Variants in SPOCK1 observed in about 807,000 individuals in gnomAD.
SPOCK1 encodes testican-1.
In SPOCK1, 23 loss-of-function variants were observed where a neutral mutation model predicts 55.3. The ratio of observed to expected loss-of-function variants is 0.42; its 90% CI spans 0.30 to 0.59. The LOEUF is 0.59. Among genes scored for constraint, SPOCK1 ranks in the 20% least tolerant of loss-of-function variants. SPOCK1 has a pLI of 0.22. For synonymous variants in SPOCK1, 226 were observed against 221.0 expected, an observed-to-expected ratio of 1.02 and a Z score of -0.20; for missense variants, 499 against 552.5, an observed-to-expected ratio of 0.90 and a Z score of 0.97.
chr5:137,220,584 T>TGA (rs375333769), intron 3 of SPOCK1, among the ~76,000 whole-genome samples: 1 of 152,222 alleles, frequency 6.6e-6, no homozygotes, highest in African/African-American at 2.4e-5. Flanking sequence ...GTCTGACTCC[T>TGA]GAGTCTAGTC....
chr5:137,301,636 C>CT (rs34828127), intron 2 of SPOCK1, among the ~76,000 whole-genome samples: 83,398 of 129,576 alleles, frequency 0.64, 27,861 homozygotes, highest in Admixed American at 0.7. Context: ...ATTTCGTCTC[C>CT]TTTTTTTTTT....
chr5:137,324,565 A>G (rs1758040741), intron 2 of SPOCK1, among the ~76,000 whole-genome samples: 1 of 152,354 alleles, frequency 6.6e-6, no homozygotes, highest in South Asian at 2.1e-4. Flanking sequence ...GGATATCTAA[A>G]GTAGTTAAAC....
chr5:137,325,571 T>C (rs1758060354), intron 2 of SPOCK1, among the ~76,000 whole-genome samples: 2 of 152,224 alleles, frequency 1.3e-5, no homozygotes, highest in South Asian at 4.1e-4. Context: ...TAACTTTTAA[T>C]TATATCACTC....
At chr5:137,486,735 C>A (rs1754064504) in intron 2 of SPOCK1, among the ~76,000 whole-genome samples, 1 of 152,228 alleles carries the variant, frequency 6.6e-6, no homozygotes, top group African/African-American at 2.4e-5. Flanking sequence ...AATTTTTAAA[C>A]CAACAATTCT....
chr5:137,237,416 A>C lies in SPOCK1; in HGVS notation c.232+29594T>G, dbSNP rs538234955. Among the ~76,000 whole-genome samples, 14 of 152,308 alleles carry C rather than the reference A, an allele frequency of 9.2e-5. No homozygotes were observed. The South Asian group carries it at 2.9e-3, about 32-fold the overall frequency. Reference sequence around the variant, plus strand: ...CAGGCCATATATGGAAAATGTACACATCTATGAACTGCTTTCACTCCTAAA... The same window carrying C: ...CAGGCCATATATGGAAAATGTACACCTCTATGAACTGCTTTCACTCCTAAA... On this transcript the variant is annotated intron_variant, in intron 3 of 10. Coordinates refer to ENST00000394945, the MANE Select transcript of SPOCK1 (RefSeq NM_004598.4).
At chr5:137,117,971 G>T (rs1469059172) in intron 4 of SPOCK1, among the ~76,000 whole-genome samples, 1 of 152,094 alleles carries the variant, frequency 6.6e-6, no homozygotes, top group African/African-American at 2.4e-5. Context: ...TATTTTATGT[G>T]TTTTTTTAAA....
At chr5:137,472,699 G>A (rs1753759969) in intron 2 of SPOCK1, among the ~76,000 whole-genome samples, 1 of 152,078 alleles carries the variant, frequency 6.6e-6, no homozygotes, top group Non-Finnish European at 1.5e-5. Flanking sequence ...CGTAACACAG[G>A]GAACAACCCC....
intron 3 of SPOCK1, among the ~76,000 whole-genome samples, chr5:137,257,062 G>A (rs1756649736): frequency 6.6e-6 from 1 of 152,170 alleles, no homozygotes; most frequent in African/African-American, 2.4e-5. Flanking sequence ...AGTGGCATGG[G>A]TGTTAGTTTG....
At chr5:137,297,175 T>A (rs1757505847) in intron 2 of SPOCK1, among the ~76,000 whole-genome samples, 1 of 152,228 alleles carries the variant, frequency 6.6e-6, no homozygotes, top group African/African-American at 2.4e-5. Flanking sequence ...TATCTTTATG[T>A]GTGTGAATAC....
intron 2 of SPOCK1, among the ~76,000 whole-genome samples, chr5:137,342,848 G>A (rs1156888143): frequency 1.3e-5 from 2 of 152,088 alleles, no homozygotes; most frequent in Non-Finnish European, 2.9e-5. Context: ...GTTCCTCCTG[G>A]CTCTTTGTTC....
intron 3 of SPOCK1, among the ~76,000 whole-genome samples, chr5:137,254,723 T>C (rs573739376): frequency 6.6e-6 from 1 of 152,238 alleles, no homozygotes; most frequent in Non-Finnish European, 1.5e-5. Flanking sequence ...AATCCATCAT[T>C]TGCCTGTGGG....
At chr5:137,228,354 T>C (rs1409522541) in intron 3 of SPOCK1, among the ~76,000 whole-genome samples, 2 of 152,142 alleles carry the variant, frequency 1.3e-5, no homozygotes, top group Admixed American at 1.3e-4. Flanking sequence ...AAAAAACTAA[T>C]CATCAGCCAG....
intron 2 of SPOCK1, among the ~76,000 whole-genome samples, chr5:137,286,331 T>G (rs1757264975): frequency 6.6e-6 from 1 of 152,182 alleles, no homozygotes; most frequent in Admixed American, 6.5e-5. Context: ...TAAGAAGGGA[T>G]GTAGGGAACT....
chr5:137,165,764 T>C (rs1483620124), intron 3 of SPOCK1, among the ~76,000 whole-genome samples: 2 of 152,138 alleles, frequency 1.3e-5, no homozygotes, highest in Admixed American at 6.6e-5. Flanking sequence ...AAAAACGCAA[T>C]TGGCATACTA....
At chr5:137,056,410 C>T (rs927180802) in intron 6 of SPOCK1, among the ~76,000 whole-genome samples, 3 of 151,886 alleles carry the variant, frequency 2.0e-5, no homozygotes, top group African/African-American at 4.8e-5. Flanking sequence ...GACATGATGC[C>T]GTCCACTCCA....
intron 3 of SPOCK1, among the ~76,000 whole-genome samples, chr5:137,183,522 A>G (rs1397412803): frequency 6.6e-6 from 1 of 152,184 alleles, no homozygotes; most frequent in African/African-American, 2.4e-5. Flanking sequence ...TGATTCCTAT[A>G]TCTCACCTTC....
intron 4 of SPOCK1, among the ~76,000 whole-genome samples, chr5:137,133,492 A>T (rs1405070766): frequency 6.6e-6 from 1 of 152,180 alleles, no homozygotes; most frequent in Non-Finnish European, 1.5e-5. Flanking sequence ...ATTCCACATA[A>T]TTATTCACAT....
At chr5:137,457,271 A>T (rs1395914829) in intron 2 of SPOCK1, among the ~76,000 whole-genome samples, 2 of 152,218 alleles carry the variant, frequency 1.3e-5, no homozygotes, top group African/African-American at 4.8e-5. Context: ...GATCAGAATG[A>T]TATAAAGTGG....
At chr5:137,075,565 C>T (rs561044463) in intron 5 of SPOCK1, among the ~76,000 whole-genome samples, 7 of 152,196 alleles carry the variant, frequency 4.6e-5, no homozygotes, top group Non-Finnish European at 8.8e-5. Context: ...TTTATCTTGT[C>T]AGTGATTTAG....
Sources: gnomAD v4.1 joint callset for allele counts (sites outside exome capture counted in the v4.1 genomes callset) on GRCh38, gnomAD v4.1.1 for gene constraint, MANE v1.5 for transcripts, NCBI Gene and HGNC (gene_info 2026-07-23, HGNC 2026-07-21) for gene names.